The following VEZF1 variants were observed in gnomAD, a reference collection of about 807,000 sequenced individuals.
The protein encoded by VEZF1 is putative transcription factor DB1.
In VEZF1, 5 loss-of-function variants were observed where a neutral mutation model predicts 44.1. The observed-to-expected ratio is 0.11, with a 90% CI of 0.06 to 0.24. The LOEUF (loss-of-function observed/expected upper bound fraction) is 0.24, where lower values mean the gene tolerates loss of function less well. Among genes scored for constraint, VEZF1 ranks in the 10% least tolerant of loss-of-function variants. VEZF1 has a pLI of 1.00. For missense variants in VEZF1, 358 were observed against 641.8 expected, an observed-to-expected ratio of 0.56 and a Z score of 4.78; for synonymous variants, 236 against 233.1, an observed-to-expected ratio of 1.01 and a Z score of -0.11.
chr17:57,987,449 G>A (rs2075306988), intron 1 of VEZF1, among the ~76,000 whole-genome samples: 2 of 152,014 alleles, frequency 1.3e-5, no homozygotes, highest in South Asian at 2.1e-4. Context: ...CACAACATCC[G>A]CCCCCCCAAC....
chr17:57,977,261 C>T (rs942866341), intron 5 of VEZF1, among the ~76,000 whole-genome samples: 2 of 152,086 alleles, frequency 1.3e-5, no homozygotes, highest in East Asian at 3.9e-4. Context: ...GGACTACAGA[C>T]ACGCACTGTC....
In VEZF1 at chr17:57,982,876, C is replaced by T. The variant is rs780543866; in HGVS notation, c.551G>A (p.Arg184Gln). Residue 184 changes from arginine to glutamine, a missense_variant, in exon 2 of 6, where the codon CGA (arginine) becomes CAA (glutamine). By Grantham distance (43) the Arg-to-Gln change is conservative. Transcript: ENST00000581208. ...HACEMCGKAF[R>Q]DVYHLNRHKL... ...GTGTCGATTGAGATGGTACACATCT[C>T]GGAAGGCCTTCCCACACATCTCACA... is the stretch of plus-strand genomic sequence containing the variant. 6.2e-7 allele frequency: 1 copy of T among 1,614,130 alleles called. No individual in the cohort carries two copies. Among genetic ancestry groups the T allele is most frequent in the Non-Finnish European group, 8.5e-7 (1 of 1,180,038 alleles).
At chr17:57,987,987 G>A (rs1055679979) in intron 1 of VEZF1, 92 bp downstream of exon 1, 20 of 183,734 alleles carry the variant, frequency 1.1e-4, no homozygotes, top group Non-Finnish European at 2.0e-4. Context: ...AGCGGAGCCG[G>A]GAGGGAGGGG....
At position 57,985,472 on chromosome 17, in the gene VEZF1, G is replaced by A. The variant is rs532430605; in HGVS notation, c.34-2079C>T. 31 of 1,214,676 alleles carry A rather than the reference G, an allele frequency of 2.6e-5. 1 individual carries two copies. The South Asian group carries it at 1.2e-3, about 49-fold the overall frequency. The allele number at this position is 1,214,676 out of a possible 1,614,324, so 75.2% of individuals were successfully genotyped here. A position where few individuals can be genotyped will look rare whatever the true frequency, so the allele number is the denominator to read the frequency against. On this transcript the variant is annotated intron_variant, in intron 1 of 5. Transcript: ENST00000581208. ...GGTTTTCCCAACTTCTTCTCTGGGG[G>A]AGAGACAGAGTAAAATAACAACCAC...
In VEZF1 at chr17:57,980,741, T is replaced by C; in HGVS notation, c.838A>G (p.Met280Val). 6.2e-7 allele frequency: 1 copy of C among 1,614,206 alleles called. No homozygotes were observed. The highest frequency in any genetic ancestry group is 8.5e-7 in the Non-Finnish European group (1 of 1,180,030). ...GATACCTTGCCTTCATGGCGCACCA[T>C]GTGTGTCCGCAGTCTGTCTTTGGTG... ...FATKDRLRTH[M>V]VRHEGKVSCN... The change falls in exon 4 of 6, where the codon ATG (methionine) becomes GTG (valine). Residue 280 changes from methionine to valine, a missense_variant. Around this residue, in one of 4 missense-constraint regions of VEZF1, gnomAD observed 48 missense variants for 144.9 expected, o/e 0.33. Coordinates refer to ENST00000581208, the MANE Select transcript of VEZF1 (RefSeq NM_007146.3).
intron 5 of VEZF1, 47 bp from the exon 6 acceptor site, chr17:57,974,947 A>G: frequency 6.5e-7 from 1 of 1,543,900 alleles, no homozygotes; most frequent in Non-Finnish European, 8.8e-7. Context: ...AACAGTGAGC[A>G]AAATTCACAA....
At chr17:57,986,801 CCT>C (rs1387862352) in intron 1 of VEZF1, among the ~76,000 whole-genome samples, 15 of 152,252 alleles carry the variant, frequency 9.9e-5, no homozygotes, top group African/African-American at 3.1e-4. Context: ...TGCATCCGTT[CCT>C]GTTAGTTTCA....
At chr17:57,985,256 C>A (rs2075284531) in intron 1 of VEZF1, 18 of 1,231,478 alleles carry the variant, frequency 1.5e-5, no homozygotes, top group Non-Finnish European at 1.8e-5. Context: ...GCACTTACTG[C>A]CATTTTACCA....
intron 1 of VEZF1, chr17:57,985,358 T>G: frequency 8.1e-7 from 1 of 1,230,336 alleles, no homozygotes; most frequent in Non-Finnish European, 1.0e-6. Context: ...GCTTCTTGGG[T>G]GAAATGCTGC....
chr17:57,984,628 TACTC>T (rs1011244530), intron 1 of VEZF1, among the ~76,000 whole-genome samples: 2 of 152,190 alleles, frequency 1.3e-5, no homozygotes, highest in Non-Finnish European at 2.9e-5. Context: ...TTACCCTTCT[TACTC>T]TATAACCACA....
chr17:57,985,132 AG>A (rs1259667581), intron 1 of VEZF1: 4 of 557,376 alleles, frequency 7.2e-6, no homozygotes, highest in Non-Finnish European at 1.1e-5. Context: ...ACAATTTCAA[AG>A]GCTAACAGAT....
chr17:57,987,693 C>G (rs560076947), intron 1 of VEZF1, among the ~76,000 whole-genome samples: 1 of 152,134 alleles, frequency 6.6e-6, no homozygotes, highest in Non-Finnish European at 1.5e-5. Flanking sequence ...CGGGCCGGCA[C>G]GCAATGGCCC....
chr17:57,980,873 T>C lies in VEZF1; in HGVS notation c.793-87A>G, dbSNP rs2075243600. 4.6e-6 allele frequency: 6 copies of C among 1,316,390 alleles called. No homozygotes were observed. The South Asian group carries it at 6.7e-5, about 15-fold the overall frequency. The allele number at this position is 1,316,390 out of a possible 1,614,324, so 81.5% of individuals were successfully genotyped here. On this transcript the variant is annotated intron_variant, in intron 3 of 5. Coordinates refer to ENST00000581208, the MANE Select transcript of VEZF1 (RefSeq NM_007146.3). The stretch of plus-strand genomic sequence containing the variant: ...ACGTTATATTCTGTGCATTACCCTA[T>C]CCACATCAGCAAGCTGACAACTAGT...
intron 5 of VEZF1, among the ~76,000 whole-genome samples, chr17:57,978,210 GAAA>G (rs889143029): frequency 2.8e-4 from 33 of 118,370 alleles, no homozygotes; most frequent in African/African-American, 9.5e-4. Flanking sequence ...GTCTAAAAAA[GAAA>G]AAAAAAAAAC....
intron 5 of VEZF1, 67 bp downstream of exon 5, chr17:57,979,085 A>T: frequency 6.4e-7 from 1 of 1,557,030 alleles, no homozygotes; most frequent in Non-Finnish European, 8.7e-7. Context: ...CTCTACTTTG[A>T]TCACTTGGCA....
chr17:57,980,680 T>G lies in VEZF1; in HGVS notation c.899A>C (p.Tyr300Ser). 1 of 1,614,110 alleles carries G rather than the reference T, an allele frequency of 6.2e-7. No homozygotes were observed. Among genetic ancestry groups the G allele is most frequent in the Non-Finnish European group, 8.5e-7 (1 of 1,180,054 alleles). Residue 300 changes from tyrosine (Y) to serine (S), a missense_variant, in exon 4 of 6, where the codon TAC becomes TCC. By Grantham distance (144) the Tyr-to-Ser change is moderately radical. Transcript: ENST00000581208. Reference sequence around the variant, plus strand: ...ATGAGTCTTTAAGTGGCTGGTGATGTATGCTGCACTCAGGAGCTTCCCACA... The same window carrying G: ...ATGAGTCTTTAAGTGGCTGGTGATGGATGCTGCACTCAGGAGCTTCCCACA... ...NICGKLLSAA[Y>S]ITSHLKTHGQ...
rs896900056 is a variant in VEZF1, at chr17:57,983,116, C to T, written c.311G>A (p.Arg104Gln). Residue 104 changes from arginine to glutamine, a missense_variant, in exon 2 of 6, where the codon CGG (arginine) becomes CAG (glutamine). Arg to Gln is a conservative substitution (Grantham distance 43). Coordinates refer to ENST00000581208, the MANE Select transcript of VEZF1 (RefSeq NM_007146.3). ...SCHTGIKLVS[R>Q]PKKTPTTVVP... ...CACCGTGGTGGGGGTTTTCTTTGGC[C>T]GGGACACCAACTTGATCCCTGTGTG... 1.9e-6 allele frequency: 3 copies of T among 1,614,140 alleles called. No homozygotes were observed. The highest frequency in any genetic ancestry group is 2.5e-6 in the Non-Finnish European group (3 of 1,180,016).
chr17:57,979,040 T>C, intron 5 of VEZF1, 112 bp downstream of exon 5: 1 of 1,370,470 alleles, frequency 7.3e-7, no homozygotes, highest in Non-Finnish European at 9.9e-7. Flanking sequence ...TATTTCCATG[T>C]TTCCATTAAG....
chr17:57,975,559 ATTCT>A (rs1010208220), intron 5 of VEZF1, among the ~76,000 whole-genome samples: 6 of 152,220 alleles, frequency 3.9e-5, no homozygotes, highest in African/African-American at 1.4e-4. Context: ...AAATAATCTT[ATTCT>A]TTCTGGTTAT....
Sources: allele counts gnomAD v4.1 joint callset (sites outside exome capture counted in the v4.1 genomes callset), GRCh38; gene constraint gnomAD v4.1.1; regional missense constraint gnomAD v4.1.1; transcripts MANE v1.5; gene names NCBI Gene and HGNC (gene_info 2026-07-23, HGNC 2026-07-21).